NIBAN2: variants seen among roughly 807,000 people sequenced by gnomAD.
NIBAN2 encodes protein Niban 2.
A neutral mutation model predicts 81.8 loss-of-function variants in NIBAN2; 36 were observed. That is an observed-to-expected ratio of 0.44 (90% CI 0.34 to 0.58). The LOEUF (loss-of-function observed/expected upper bound fraction) is 0.58. NIBAN2 is among the 20% of genes least tolerant of loss of function. The pLI is 0.02. For synonymous variants in NIBAN2, 445 were observed against 441.6 expected (o/e 1.01, Z -0.10); for missense variants, 897 against 1,014.1 (o/e 0.88, Z 1.57).
chr9:127,569,643 G>A (rs910865981), upstream of NIBAN2, among the ~76,000 whole-genome samples: 3 of 149,618 alleles, frequency 2.0e-5, no homozygotes, highest in Non-Finnish European at 3.0e-5. Flanking sequence ...AGTCCCGCCC[G>A]CCACTGCCCG....
intron 1 of NIBAN2, among the ~76,000 whole-genome samples, chr9:127,578,565 G>A (rs1564325906): frequency 6.6e-6 from 1 of 151,346 alleles, no homozygotes; most frequent in Non-Finnish European, 1.5e-5. Flanking sequence ...AGGAGGCTGA[G>A]GCAGGAGAAT....
At chr9:127,569,944 G>A (rs73601547), upstream of NIBAN2, among the ~76,000 whole-genome samples, 4,223 of 152,296 alleles carry the variant, frequency 0.028, 75 homozygotes, top group Middle Eastern at 0.048. Context: ...GCTGGGCATG[G>A]GTGGGTCGCA....
At chr9:127,523,127 G>C (rs1257761035) in intron 5 of NIBAN2, among the ~76,000 whole-genome samples, 1 of 138,284 alleles carries the variant, frequency 7.2e-6, no homozygotes, top group Non-Finnish European at 1.5e-5. Context: ...GGCCCTGAGG[G>C]AGGCAGTGAA....
chr9:127,576,511 G>A (rs1038356729), intron 1 of NIBAN2, among the ~76,000 whole-genome samples: 1 of 152,072 alleles, frequency 6.6e-6, no homozygotes, highest in Non-Finnish European at 1.5e-5. Context: ...GCAGGCTCCT[G>A]TGCTCAGTTC....
chr9:127,557,856 C>T (rs1837701413), intron 1 of NIBAN2, among the ~76,000 whole-genome samples: 1 of 152,212 alleles, frequency 6.6e-6, no homozygotes, highest in Non-Finnish European at 1.5e-5. Context: ...CAAATCTTTC[C>T]CCATCCTGCC....
chr9:127,538,144 T>G (rs948239398), intron 1 of NIBAN2, among the ~76,000 whole-genome samples: 3 of 152,098 alleles, frequency 2.0e-5, no homozygotes, highest in Non-Finnish European at 4.4e-5. Flanking sequence ...GTTGGTTGAA[T>G]AAGGGGGTGC....
In NIBAN2 at chr9:127,509,048, G is replaced by A. The variant is rs368130118; in HGVS notation, c.1245C>T (p.Asp415=). 2.3e-4 allele frequency: 377 copies of A among 1,613,630 alleles called. No individual in the cohort carries two copies. The highest frequency in any genetic ancestry group is 2.8e-4 in the Non-Finnish European group (333 of 1,179,936). ...CYEKMESLRL[D]GLQQRFDVSS... The stretch of plus-strand genomic sequence containing the variant: ...ACACATCAAATCGCTGCTGCAGCCC[G>A]TCCAGTCGCAGCGACTCCATCTTCT... Residue 415 remains aspartate, a synonymous_variant, in exon 10 of 14, where the codon GAC becomes GAT. Transcript: ENST00000373312.
chr9:127,505,804 C>T lies in NIBAN2; in HGVS notation c.*1041G>A, dbSNP rs571126016. On this transcript the variant is annotated 3_prime_UTR_variant, in exon 14 of 14. Coordinates refer to ENST00000373312, the MANE Select transcript of NIBAN2 (RefSeq NM_022833.4). ...CTCACAAGGACATCCAAAGAAGGGA[C>T]TGGATTTTCAGAGGGAGGTGACTTG... 43 of 152,754 alleles carry T rather than the reference C, an allele frequency of 2.8e-4. No individual in the cohort carries two copies. The highest frequency in any genetic ancestry group is 4.8e-4 in the Non-Finnish European group (33 of 68,400). 9.5% of individuals were successfully genotyped at this position (152,754 alleles called of 1,614,324 possible).
In NIBAN2 at chr9:127,505,464, CAA is replaced by C. The variant is rs1209633993; in HGVS notation, c.*1379_*1380del. On this transcript the variant is annotated 3_prime_UTR_variant, in exon 14 of 14. Transcript: ENST00000373312. ...GCACTAGAGGCGCAGATCTTCGGGA[CAA>C]GAGGGAAGAGATGCGCCAGAGACCA... 4 of 152,676 alleles carry C rather than the reference CAA, an allele frequency of 2.6e-5. No individual in the cohort carries two copies. The highest frequency in any genetic ancestry group is 7.2e-5 in the African/African-American group (3 of 41,454). 9.5% of individuals were successfully genotyped at this position (152,676 alleles called of 1,614,324 possible).
chr9:127,506,951 G>C lies in NIBAN2; in HGVS notation c.2135C>G (p.Pro712Arg), dbSNP rs759857601. Residue 712 changes from proline (P) to arginine (R), a missense_variant, in exon 14 of 14, where the codon CCC becomes CGC. By Grantham distance (103) the Pro-to-Arg change is moderately radical (BLOSUM62 -2). Transcript: ENST00000373312. The stretch of plus-strand genomic sequence containing the variant: ...TCCAGTCTCCTGGTCGCTGGGCTTG[G>C]GGGGCCCAAGGTCCACAGCCTTTCC... ...LPGKAVDLGPPKPSDQETGEQ... is the reference protein window; with the variant it reads ...LPGKAVDLGPRKPSDQETGEQ... The C allele has an allele frequency of 3.7e-6, 6 of 1,607,740 alleles. No individual in the cohort carries two copies. Among genetic ancestry groups the C allele is most frequent in the East Asian group, 4.5e-5 (2 of 44,846 alleles).
At chr9:127,522,114 T>C (rs1302506073) in intron 5 of NIBAN2, among the ~76,000 whole-genome samples, 1 of 152,098 alleles carries the variant, frequency 6.6e-6, no homozygotes, top group Non-Finnish European at 1.5e-5. Context: ...GCCAGAGCCT[T>C]GAGTGCCTCC....
chr9:127,522,378 C>T (rs567644369), intron 5 of NIBAN2, among the ~76,000 whole-genome samples: 3 of 152,272 alleles, frequency 2.0e-5, no homozygotes, highest in Non-Finnish European at 4.4e-5. Flanking sequence ...TGTGGCACTG[C>T]GCCCAAGGGT....
In NIBAN2 at chr9:127,505,856, G is replaced by GCCTGACC. The variant is rs1836583276; in HGVS notation, c.*982_*988dup. ...TGACTGAGAGGCAGCAGAGGCCAAA[G>GCCTGACC]CCTGACCCCAGACCCTCAGGGAGGG... On this transcript the variant is annotated 3_prime_UTR_variant, in exon 14 of 14. Coordinates refer to ENST00000373312, the MANE Select transcript of NIBAN2 (RefSeq NM_022833.4). 2.6e-5 allele frequency: 4 copies of GCCTGACC among 152,602 alleles called. No homozygotes were observed. Among genetic ancestry groups the GCCTGACC allele is most frequent in the African/African-American group, 7.2e-5 (3 of 41,558 alleles). 9.5% of individuals were successfully genotyped at this position (152,602 alleles called of 1,614,324 possible). A position where few individuals can be genotyped will look rare whatever the true frequency, so the allele number is the denominator to read the frequency against.
upstream of NIBAN2, among the ~76,000 whole-genome samples, chr9:127,572,751 T>A (rs571391648): frequency 8.5e-5 from 13 of 152,226 alleles, no homozygotes; most frequent in South Asian, 8.3e-4. Context: ...ATTTTTTTTT[T>A]AATGATATTC....
At chr9:127,569,131 A>G (rs1181499867), upstream of NIBAN2, 3 of 806,372 alleles carry the variant, frequency 3.7e-6, no homozygotes, top group African/African-American at 4.9e-5. Flanking sequence ...CCACCAGACC[A>G]CGCCCCCGCA....
chr9:127,574,921 C>G (rs1014791277), intron 1 of NIBAN2, among the ~76,000 whole-genome samples: 7 of 152,340 alleles, frequency 4.6e-5, no homozygotes, highest in African/African-American at 1.7e-4. Flanking sequence ...AGTGGCCAAG[C>G]TGTCACCTCT....
At chr9:127,576,849 C>T (rs1052135463) in intron 1 of NIBAN2, among the ~76,000 whole-genome samples, 6 of 151,516 alleles carry the variant, frequency 4.0e-5, no homozygotes, top group Admixed American at 6.6e-5. Flanking sequence ...AGTGCCACAA[C>T]GTCCGGCTAA....
At chr9:127,523,624 A>C in intron 5 of NIBAN2, 55 bp downstream of exon 5, 1 of 1,566,146 alleles carries the variant, frequency 6.4e-7, no homozygotes, top group Non-Finnish European at 8.7e-7. Flanking sequence ...CCATTCAGCA[A>C]TAACCCAGGT....
chr9:127,506,671 G>T lies in NIBAN2; in HGVS notation c.*174C>A. The T allele has an allele frequency of 2.0e-6, 1 of 487,860 alleles. No homozygotes were observed. 30.2% of individuals were successfully genotyped at this position (487,860 alleles called of 1,614,324 possible). A position where few individuals can be genotyped will look rare whatever the true frequency, so the allele number is the denominator to read the frequency against. ...AAGAGAAAACAGGGAGCAAGAAAGT[G>T]TTGACTGAACCCAATAAAGTGACTC... On this transcript the variant is annotated 3_prime_UTR_variant, in exon 14 of 14. Coordinates refer to ENST00000373312, the MANE Select transcript of NIBAN2 (RefSeq NM_022833.4).
Sources: gnomAD v4.1 joint callset for allele counts (sites outside exome capture counted in the v4.1 genomes callset) on GRCh38, gnomAD v4.1.1 for gene constraint, MANE v1.5 for transcripts, NCBI Gene and HGNC (gene_info 2026-07-23, HGNC 2026-07-21) for gene names.